The following CMSS1 variants were observed in gnomAD, a reference collection of about 807,000 sequenced individuals.
CMSS1 encodes cms1 ribosomal small subunit homolog, also known as protein CMSS1.
In CMSS1, 33 loss-of-function variants were observed where a neutral mutation model predicts 43.5. The ratio of observed to expected loss-of-function variants is 0.76; its 90% confidence interval spans 0.57 to 1.01. The LOEUF (loss-of-function observed/expected upper bound fraction) is 1.01. Ranked by LOEUF, CMSS1 falls within the 50% of genes least tolerant of loss-of-function variation. The pLI, the probability that CMSS1 is intolerant of heterozygous loss-of-function variation, is 0.00. For synonymous variants in CMSS1, 115 were observed against 117.2 expected (o/e 0.98, Z 0.12); for missense variants, 313 against 326.4 (o/e 0.96, Z 0.32).
At chr3:100,082,191 T>C (rs1189832133) in intron 1 of CMSS1, among the ~76,000 whole-genome samples, 4 of 152,212 alleles carry the variant, frequency 2.6e-5, no homozygotes, top group Non-Finnish European at 4.4e-5. Flanking sequence ...CCAAGAACAT[T>C]ATTGCTAAAG....
intron 1 of CMSS1, among the ~76,000 whole-genome samples, chr3:99,827,725 C>A (rs1447740931): frequency 6.6e-6 from 1 of 152,166 alleles, no homozygotes; most frequent in Non-Finnish European, 1.5e-5. Context: ...TCTGCCTCAG[C>A]CTCCGGAGTA....
At chr3:99,840,221 C>CTTTTTTTT (rs10935982) in intron 1 of CMSS1, among the ~76,000 whole-genome samples, 1 of 102,144 alleles carries the variant, frequency 9.8e-6, no homozygotes, top group Non-Finnish European at 1.9e-5. Flanking sequence ...TTCGTAGAAT[C>CTTTTTTTT]TTTTTTTTTT....
At chr3:99,991,392 T>C (rs1433808385) in intron 1 of CMSS1, among the ~76,000 whole-genome samples, 1 of 152,228 alleles carries the variant, frequency 6.6e-6, no homozygotes, top group African/African-American at 2.4e-5. Context: ...GGTATATTCC[T>C]ATTGTTGAAA....
chr3:99,981,272 G>A lies in CMSS1; in HGVS notation c.64+163229G>A, dbSNP rs145375091. 2.4e-3 allele frequency among the ~76,000 whole-genome samples: 365 copies of A among 152,184 alleles called. 1 individual carries two copies. The highest frequency in any genetic ancestry group is 8.3e-3 in the African/African-American group (344 of 41,552). ...TGCTAAACTTGTCCCTGGCCTCCTG[G>A]CAAACTCCTACTTAATCCTCAGGAC... On this transcript the variant is annotated intron_variant, in intron 1 of 9. Coordinates refer to ENST00000421999, the MANE Select transcript of CMSS1 (RefSeq NM_032359.4).
intron 1 of CMSS1, among the ~76,000 whole-genome samples, chr3:99,912,028 G>A (rs937267888): frequency 1.3e-5 from 2 of 151,896 alleles, no homozygotes; most frequent in Admixed American, 1.3e-4. Context: ...AATTTTTAGA[G>A]TGTTAAGAAC....
intron 1 of CMSS1, among the ~76,000 whole-genome samples, chr3:99,903,204 C>T (rs1015745528): frequency 2.0e-5 from 3 of 151,206 alleles, no homozygotes; most frequent in African/African-American, 4.9e-5. Context: ...GTAGCTGGCA[C>T]GTCATAAATC....
At chr3:100,022,142 G>T (rs2064837500) in intron 1 of CMSS1, among the ~76,000 whole-genome samples, 1 of 152,154 alleles carries the variant, frequency 6.6e-6, no homozygotes, top group African/African-American at 2.4e-5. Context: ...CCTTGGAAAA[G>T]AAATGATATT....
At chr3:100,063,731 GA>G (rs11317963) in intron 1 of CMSS1, among the ~76,000 whole-genome samples, 28,156 of 152,008 alleles carry the variant, frequency 0.19, 2,945 homozygotes, top group South Asian at 0.25. Flanking sequence ...AAGGTTGCAA[GA>G]AAAAAAGTCA....
At chr3:99,976,342 T>C (rs774507747) in intron 1 of CMSS1, among the ~76,000 whole-genome samples, 2 of 152,212 alleles carry the variant, frequency 1.3e-5, no homozygotes, top group Non-Finnish European at 2.9e-5. Flanking sequence ...ACATAAAGAA[T>C]AAAATTGGAT....
chr3:100,146,380 C>T (rs530984027), intron 1 of CMSS1, among the ~76,000 whole-genome samples: 1 of 152,284 alleles, frequency 6.6e-6, no homozygotes, highest in South Asian at 2.1e-4. Context: ...CATCTGATGT[C>T]AAGGCCTGGC....
At chr3:100,000,181 G>A (rs562775234) in intron 1 of CMSS1, among the ~76,000 whole-genome samples, 1 of 152,242 alleles carries the variant, frequency 6.6e-6, no homozygotes, top group African/African-American at 2.4e-5. Flanking sequence ...ATTTCTTCCT[G>A]CCTTCTTCTG....
At chr3:99,906,720 A>G (rs1706629713) in intron 1 of CMSS1, among the ~76,000 whole-genome samples, 1 of 152,180 alleles carries the variant, frequency 6.6e-6, no homozygotes, top group South Asian at 2.1e-4. Context: ...TGGCTGCCCA[A>G]CCAGACATTT....
At chr3:100,062,772 G>C (rs946469016) in intron 1 of CMSS1, among the ~76,000 whole-genome samples, 2 of 152,152 alleles carry the variant, frequency 1.3e-5, no homozygotes, top group African/African-American at 4.8e-5. Flanking sequence ...GCTTTGTCCT[G>C]GTTCCTCAGC....
intron 2 of CMSS1, among the ~76,000 whole-genome samples, chr3:100,155,873 T>C (rs2066967799): frequency 6.6e-6 from 1 of 152,056 alleles, no homozygotes; most frequent in Non-Finnish European, 1.5e-5. Context: ...GGCACTATTC[T>C]TTTTTCTGAT....
At chr3:100,150,327 A>C (rs959349999) in intron 2 of CMSS1, among the ~76,000 whole-genome samples, 2 of 152,096 alleles carry the variant, frequency 1.3e-5, no homozygotes, top group Non-Finnish European at 2.9e-5. Context: ...ATATAACTGC[A>C]TTTTTTCTGG....
chr3:100,133,087 C>A (rs2066723225), intron 1 of CMSS1, among the ~76,000 whole-genome samples: 1 of 151,934 alleles, frequency 6.6e-6, no homozygotes, highest in Non-Finnish European at 1.5e-5. Flanking sequence ...TTCTAGAAAT[C>A]TATTCTAAAC....
At position 99,842,229 on chromosome 3, in the gene CMSS1, A is replaced by G. The variant is rs180736926; in HGVS notation, c.64+24186A>G. Reference sequence around the variant, plus strand: ...ACTATTGTTCTAAGTGAAGTAACTCAGGAATGGAAAACCAAACATTGTATG... The same window carrying G: ...ACTATTGTTCTAAGTGAAGTAACTCGGGAATGGAAAACCAAACATTGTATG... On this transcript the variant is annotated intron_variant, in intron 1 of 9. Coordinates refer to ENST00000421999, the MANE Select transcript of CMSS1 (RefSeq NM_032359.4). Among the ~76,000 whole-genome samples the G allele has an allele frequency of 3.1e-3, 474 of 152,340 alleles. 4 individuals are homozygous for G. The highest frequency in any genetic ancestry group is 0.011 in the African/African-American group (448 of 41,582).
At chr3:100,038,248 G>T (rs767424550) in intron 1 of CMSS1, among the ~76,000 whole-genome samples, 2 of 152,058 alleles carry the variant, frequency 1.3e-5, no homozygotes, top group African/African-American at 4.8e-5. Context: ...GAGCCACCAC[G>T]CCCGGCCTCT....
At chr3:99,937,946 G>A (rs1176633654) in intron 1 of CMSS1, among the ~76,000 whole-genome samples, 3 of 152,240 alleles carry the variant, frequency 2.0e-5, no homozygotes, top group African/African-American at 7.2e-5. Flanking sequence ...TAGGAAGGGA[G>A]TTGGTAAAGG....
Sources: allele counts gnomAD v4.1 joint callset (sites outside exome capture counted in the v4.1 genomes callset), GRCh38; gene constraint gnomAD v4.1.1; transcripts MANE v1.5; gene names NCBI Gene and HGNC (gene_info 2026-07-23, HGNC 2026-07-21).